Variants in PCDH15 observed in about 807,000 individuals in gnomAD.
The protein encoded by PCDH15 is protocadherin-15.
PCDH15 carries 129 observed loss-of-function variants against 178.5 expected under a neutral mutation model. The ratio of observed to expected loss-of-function variants is 0.72; its 90% CI spans 0.63 to 0.84. The LOEUF (loss-of-function observed/expected upper bound fraction) is 0.84, where lower values mean the gene tolerates loss of function less well. Ranked by LOEUF, PCDH15 falls within the 40% of genes least tolerant of loss-of-function variation. The pLI, the probability that PCDH15 is intolerant of heterozygous loss-of-function variation, is 0.00. For missense variants in PCDH15, 2,230 were observed against 2,099.9 expected, an observed-to-expected ratio of 1.06 and a Z score of -1.21; for synonymous variants, 800 against 732.0, an observed-to-expected ratio of 1.09 and a Z score of -1.50.
At chr10:54,403,841 CCACACACTCACA>C (rs1360475531) in intron 3 of PCDH15, among the ~76,000 whole-genome samples, 1 of 150,792 alleles carries the variant, frequency 6.6e-6, no homozygotes, top group Non-Finnish European at 1.5e-5. Context: ...TTCATAACTG[CCACACACTCACA>C]CACACACACA....
intron 1 of PCDH15, among the ~76,000 whole-genome samples, chr10:55,268,025 C>T (rs1003064806): frequency 2.0e-5 from 3 of 152,136 alleles, no homozygotes; most frequent in African/African-American, 7.2e-5. Context: ...TGCTAGCTTG[C>T]GTATTGTTGT....
Position 55,606,434 on chromosome 10 carries a change from G to T in PCDH15, c.-156+21191C>A, listed in dbSNP as rs563791142. On this transcript the variant is annotated intron_variant, in intron 2 of 5. Transcript: ENST00000613346. ...ATGGAACCAAAAAAGAGCCCGCATT[G>T]CCAAGTCAACCATAAGCCAAAAGAA... is the stretch of plus-strand genomic sequence containing the variant. 6.4e-3 allele frequency among the ~76,000 whole-genome samples: 973 copies of T among 151,376 alleles called. 15 individuals are homozygous for T. Among genetic ancestry groups the T allele is most frequent in the African/African-American group, 0.022 (922 of 41,158 alleles).
At chr10:54,994,504 C>G (rs1478329959) in intron 2 of PCDH15, among the ~76,000 whole-genome samples, 1 of 151,852 alleles carries the variant, frequency 6.6e-6, no homozygotes, top group South Asian at 2.1e-4. Flanking sequence ...ATACAGTAAA[C>G]TTTTGTGATC....
chr10:54,697,680 GGA>G (rs1491066034), intron 1 of PCDH15, among the ~76,000 whole-genome samples: 233 of 101,520 alleles, frequency 2.3e-3, no homozygotes, highest in Middle Eastern at 5.7e-3. Context: ...GAAGGGGAAG[GGA>G]GGAAGGGAGG....
intron 28 of PCDH15, among the ~76,000 whole-genome samples, chr10:53,853,929 G>A (rs2078559468): frequency 6.6e-6 from 1 of 151,900 alleles, no homozygotes; most frequent in East Asian, 1.9e-4. Flanking sequence ...TCAAAAGAAT[G>A]AAAGCAGGAT....
chr10:54,510,447 C>A (rs950953829), intron 3 of PCDH15, among the ~76,000 whole-genome samples: 6 of 152,138 alleles, frequency 3.9e-5, no homozygotes, highest in African/African-American at 1.4e-4. Flanking sequence ...ACATTTGTGT[C>A]ACATATAGGT....
Position 54,200,968 on chromosome 10 carries a change from G to A in PCDH15, c.1099-5079C>T, listed in dbSNP as rs1020959875. Among the ~76,000 whole-genome samples, 12 of 151,948 alleles carry A rather than the reference G, an allele frequency of 7.9e-5. No individual in the cohort carries two copies. In the East Asian group the frequency reaches 1.2e-3, roughly 15 times the overall value. ...CAGTCCATATCCAACTGTGTACTTCGTAACACTGCGTAAGTATCTAACAGA... is the reference window on the plus strand; with the variant it reads ...CAGTCCATATCCAACTGTGTACTTCATAACACTGCGTAAGTATCTAACAGA... On this transcript the variant is annotated intron_variant, in intron 10 of 37. Coordinates refer to ENST00000644397, the MANE Select transcript of PCDH15 (RefSeq NM_001384140.1).
At chr10:54,683,638 G>A (rs1213330266) in intron 1 of PCDH15, among the ~76,000 whole-genome samples, 2 of 152,094 alleles carry the variant, frequency 1.3e-5, no homozygotes, top group African/African-American at 4.8e-5. Context: ...GACAGAAGCT[G>A]AGCATGAGAG....
intron 1 of PCDH15, among the ~76,000 whole-genome samples, chr10:55,225,285 A>G (rs1434721470): frequency 1.3e-5 from 2 of 152,168 alleles, no homozygotes; most frequent in African/African-American, 4.8e-5. Flanking sequence ...TGGATTAATT[A>G]TTGCTATAAC....
At chr10:54,325,833 C>T (rs961976122) in intron 7 of PCDH15, among the ~76,000 whole-genome samples, 8 of 151,882 alleles carry the variant, frequency 5.3e-5, no homozygotes, top group African/African-American at 9.7e-5. Context: ...CACTTAAACC[C>T]CGTAGGCGGA....
chr10:55,012,671 T>C (rs1006245085), intron 2 of PCDH15, among the ~76,000 whole-genome samples: 1 of 152,128 alleles, frequency 6.6e-6, no homozygotes, highest in Admixed American at 6.5e-5. Flanking sequence ...TGAAACACTT[T>C]TCTTTGCTTC....
intron 2 of PCDH15, among the ~76,000 whole-genome samples, chr10:55,467,373 C>CTTTTTTTTTTTTTT (rs59787759): frequency 1.1e-5 from 1 of 87,770 alleles, no homozygotes. Context: ...CTTGGCCTGA[C>CTTTTTTTTTTTTTT]TTTTTTTTTT....
At chr10:54,523,891 A>C (rs943765385) in intron 3 of PCDH15, among the ~76,000 whole-genome samples, 1 of 152,188 alleles carries the variant, frequency 6.6e-6, no homozygotes, top group Non-Finnish European at 1.5e-5. Flanking sequence ...CGGCAAAAGG[A>C]AATTTAGAGA....
chr10:55,464,306 C>A (rs1328468155), intron 2 of PCDH15, among the ~76,000 whole-genome samples: 1 of 152,018 alleles, frequency 6.6e-6, no homozygotes, highest in Non-Finnish European at 1.5e-5. Flanking sequence ...ACTGTTACGA[C>A]TAACCATTTT....
intron 3 of PCDH15, among the ~76,000 whole-genome samples, chr10:54,517,462 G>T (rs955774196): frequency 6.6e-6 from 1 of 152,034 alleles, no homozygotes; most frequent in African/African-American, 2.4e-5. Flanking sequence ...AAGAGACAAA[G>T]AAGGCCATTA....
chr10:54,412,744 A>G (rs1015407517), intron 3 of PCDH15, among the ~76,000 whole-genome samples: 2 of 152,064 alleles, frequency 1.3e-5, no homozygotes, highest in Admixed American at 1.3e-4. Context: ...TTTTTTTGCG[A>G]CAGAGTCTCG....
chr10:54,093,090 T>G (rs199967001), intron 15 of PCDH15, among the ~76,000 whole-genome samples: 4 of 31,152 alleles, frequency 1.3e-4, no homozygotes, highest in African/African-American at 3.2e-4. Context: ...GTATTTATAT[T>G]TATTATTTTT....
At chr10:54,084,448 G>C in intron 16 of PCDH15, among the ~76,000 whole-genome samples, 1 of 151,402 alleles carries the variant, frequency 6.6e-6, no homozygotes, top group East Asian at 2.0e-4. Flanking sequence ...TCTCCAGTCT[G>C]GGAGACAGAA....
At chr10:53,971,245 T>G (rs2089650616) in intron 21 of PCDH15, among the ~76,000 whole-genome samples, 1 of 152,304 alleles carries the variant, frequency 6.6e-6, no homozygotes, top group Non-Finnish European at 1.5e-5. Context: ...CAGCCCTTCC[T>G]GCTAAAAACT....
Sources: allele counts gnomAD v4.1 joint callset (sites outside exome capture counted in the v4.1 genomes callset), GRCh38; gene constraint gnomAD v4.1.1; transcripts MANE v1.5; gene names NCBI Gene and HGNC (gene_info 2026-07-23, HGNC 2026-07-21).